Variants in CD99L2 observed in about 807,000 individuals in gnomAD.
The protein encoded by CD99L2 is CD99 antigen-like protein 2.
A neutral mutation model predicts 27.3 loss-of-function variants in CD99L2; 24 were observed. The ratio of observed to expected loss-of-function variants is 0.88; its 90% CI spans 0.64 to 1.24. The LOEUF (loss-of-function observed/expected upper bound fraction) is 1.24. CD99L2 is among the 50% of genes most tolerant of loss of function. The pLI is 0.00. For synonymous variants in CD99L2, 97 were observed against 87.9 expected (o/e 1.10, Z -0.58); for missense variants, 255 against 221.6 (o/e 1.15, Z -0.96).
Position 150,866,856 on chromosome X carries a change from G to T in CD99L2, c.67+31666C>A, listed in dbSNP as rs1012917362. ...ACAATGATACATCAATTTTTATACA[G>T]GTTTTTGAACAGGGGAAACTGGGTG... is the stretch of plus-strand genomic sequence containing the variant. On this transcript the variant is annotated intron_variant, in intron 1 of 10. Coordinates refer to ENST00000370377, the MANE Select transcript of CD99L2 (RefSeq NM_031462.4). Among the ~76,000 whole-genome samples, 6 of 111,016 alleles carry T rather than the reference G, an allele frequency of 5.4e-5. No individual in the cohort carries two copies. The East Asian group carries it at 1.7e-3, about 31-fold the overall frequency.
At chrX:150,818,779 C>T (rs1160977193) in intron 2 of CD99L2, 16 of 293,003 alleles carry the variant, frequency 5.5e-5, no homozygotes, top group African/African-American at 3.3e-4. Context: ...TCTTTGACAC[C>T]GTCGCTGTCT....
chrX:150,795,157 T>A, intron 6 of CD99L2, 49 bp downstream of exon 6: 10 of 1,183,435 alleles, frequency 8.4e-6, no homozygotes, highest in Non-Finnish European at 1.1e-5. Flanking sequence ...GCTCTGGCTC[T>A]GTGGGATGAT....
At chrX:150,777,597 A>T (rs1050427669) in intron 7 of CD99L2, 115 bp from the exon 8 acceptor site, 4 of 755,498 alleles carry the variant, frequency 5.3e-6, no homozygotes, top group Non-Finnish European at 7.7e-6. Flanking sequence ...ATGCGACAAG[A>T]CCCCCACCAG....
At chrX:150,895,341 T>C (rs781791321) in intron 1 of CD99L2, among the ~76,000 whole-genome samples, 1 of 111,745 alleles carries the variant, frequency 8.9e-6, no homozygotes, top group African/African-American at 3.2e-5. Context: ...ACTAGTAAAA[T>C]ACACAGCAGA....
At chrX:150,789,494 C>T (rs1603290373) in intron 7 of CD99L2, among the ~76,000 whole-genome samples, 1 of 112,201 alleles carries the variant, frequency 8.9e-6, no homozygotes, top group Admixed American at 9.4e-5. Context: ...TTCTCCAAAT[C>T]TGTGGCTTGT....
At chrX:150,801,446 CTT>C (rs2045905061) in intron 4 of CD99L2, among the ~76,000 whole-genome samples, 1 of 111,296 alleles carries the variant, frequency 9.0e-6, no homozygotes, top group African/African-American at 3.3e-5. Context: ...CTGCCAAACA[CTT>C]TAAAAATCAT....
chrX:150,872,840 G>C (rs1403867323), intron 1 of CD99L2, among the ~76,000 whole-genome samples: 3 of 111,944 alleles, frequency 2.7e-5, no homozygotes, highest in Middle Eastern at 4.6e-3. Context: ...GTATGGGAAG[G>C]AGCAAAGCTC....
chrX:150,776,069 G>T (rs2043546874), intron 9 of CD99L2, 105 bp downstream of exon 9: 12 of 1,025,060 alleles, frequency 1.2e-5, no homozygotes, highest in Non-Finnish European at 1.5e-5. Flanking sequence ...CTGCTTGGGA[G>T]TGGGTCTCAG....
intron 1 of CD99L2, among the ~76,000 whole-genome samples, chrX:150,833,412 T>C (rs2046474581): frequency 8.9e-6 from 1 of 111,924 alleles, no homozygotes; most frequent in Non-Finnish European, 1.9e-5. Flanking sequence ...GATGTAATTT[T>C]TATCAAAATT....
intron 3 of CD99L2, 81 bp downstream of exon 3, chrX:150,815,926 T>C: frequency 1.1e-6 from 1 of 944,317 alleles, no homozygotes; most frequent in East Asian, 3.1e-5. Context: ...CTTAAAACTG[T>C]AGGTAGTTCA....
intron 7 of CD99L2, among the ~76,000 whole-genome samples, chrX:150,777,936 C>T (rs781997107): frequency 8.9e-6 from 1 of 112,058 alleles, no homozygotes; most frequent in African/African-American, 3.3e-5. Flanking sequence ...GGAACATAAA[C>T]AAATGTAGGC....
chrX:150,776,082 A>G, intron 9 of CD99L2, 92 bp downstream of exon 9: 1 of 1,083,608 alleles, frequency 9.2e-7, no homozygotes. Flanking sequence ...GGTCTCAGGC[A>G]GGCTGTGGAG....
chrX:150,856,569 AAATAATAAT>A (rs10564205), intron 1 of CD99L2, among the ~76,000 whole-genome samples: 35 of 98,683 alleles, frequency 3.5e-4, no homozygotes, highest in Non-Finnish European at 5.7e-4. Context: ...AGCCAGGCTA[AAATAATAAT>A]AATAATAATA....
At chrX:150,831,038 A>T (rs2046436588) in intron 2 of CD99L2, among the ~76,000 whole-genome samples, 193 bp downstream of exon 2, 1 of 110,940 alleles carries the variant, frequency 9.0e-6, no homozygotes, top group South Asian at 3.9e-4. Flanking sequence ...CGAACTTCTG[A>T]CCTCAAGTGA....
intron 1 of CD99L2, among the ~76,000 whole-genome samples, chrX:150,848,218 G>T (rs2046733123): frequency 9.2e-6 from 1 of 108,899 alleles, no homozygotes; most frequent in African/African-American, 3.4e-5. Flanking sequence ...CAGAAAAGAA[G>T]AAATAAAATA....
chrX:150,808,447 G>A (rs782066984), intron 4 of CD99L2, among the ~76,000 whole-genome samples: 2 of 112,373 alleles, frequency 1.8e-5, no homozygotes, highest in South Asian at 7.4e-4. Flanking sequence ...GGAGTCATCA[G>A]ATTCTTCACC....
intron 1 of CD99L2, among the ~76,000 whole-genome samples, chrX:150,868,804 G>A (rs1557422115): frequency 1.8e-5 from 2 of 112,026 alleles, no homozygotes; most frequent in Non-Finnish European, 3.8e-5. Flanking sequence ...GCTCAGGGAT[G>A]TAGGTGGTTT....
At chrX:150,779,550 G>T (rs1476671330) in intron 7 of CD99L2, among the ~76,000 whole-genome samples, 1 of 112,324 alleles carries the variant, frequency 8.9e-6, no homozygotes, top group African/African-American at 3.2e-5. Context: ...ACCAAGCCGA[G>T]GTCATCGCTT....
intron 1 of CD99L2, among the ~76,000 whole-genome samples, chrX:150,871,787 C>T (rs1294799307): frequency 1.8e-5 from 2 of 112,065 alleles, no homozygotes; most frequent in African/African-American, 6.5e-5. Flanking sequence ...TAATGGAAAA[C>T]TGTTCAGCAG....
Sources: allele counts gnomAD v4.1 joint callset (sites outside exome capture counted in the v4.1 genomes callset), GRCh38; gene constraint gnomAD v4.1.1; transcripts MANE v1.5; gene names NCBI Gene and HGNC (gene_info 2026-07-23, HGNC 2026-07-21).